Variants in CFAP46 observed in about 807,000 individuals in gnomAD.
The protein encoded by CFAP46 is cilia and flagella associated protein 46.
A neutral mutation model predicts 325.7 loss-of-function variants in CFAP46; 245 were observed. The observed-to-expected ratio is 0.75, with a 90% confidence interval of 0.68 to 0.84. CFAP46 has a LOEUF of 0.84. Ranked by LOEUF, CFAP46 falls within the 40% of genes least tolerant of loss-of-function variation. The pLI, the probability that CFAP46 is intolerant of heterozygous loss-of-function variation, is 0.00. For synonymous variants in CFAP46, 1,523 were observed against 1,495.9 expected, an observed-to-expected ratio of 1.02 and a Z score of -0.42; for missense variants, 3,346 against 3,543.0, an observed-to-expected ratio of 0.94 and a Z score of 1.41.
intron 13 of CFAP46, among the ~76,000 whole-genome samples, 156 bp downstream of exon 13, chr10:132,921,948 C>T (rs748314761): frequency 1.2e-4 from 18 of 152,206 alleles, no homozygotes; most frequent in Admixed American, 2.0e-4. Flanking sequence ...TTGCCAGACC[C>T]GGCGGGCCGA....
chr10:132,920,897 A>G (rs1192428828), intron 13 of CFAP46, among the ~76,000 whole-genome samples: 2 of 152,214 alleles, frequency 1.3e-5, no homozygotes, highest in African/African-American at 4.8e-5. Flanking sequence ...GCACACGCCC[A>G]TGAGTGAAAG....
Position 132,919,494 on chromosome 10 carries a change from C to A in CFAP46, c.1731-52G>T. The A allele has an allele frequency of 6.6e-7, 1 of 1,510,696 alleles. No homozygotes were observed. The highest frequency in any genetic ancestry group is 8.9e-7 in the Non-Finnish European group (1 of 1,127,056). The allele number at this position is 1,510,696 out of a possible 1,614,324, so 93.6% of individuals were successfully genotyped here. ...AAAGGTGAGTAGACAAGTGTGGTTG[C>A]TGAAGTTAGAAAACACCTGGGCTGG... On this transcript the variant is annotated intron_variant, in intron 14 of 57. Coordinates refer to ENST00000368586, the MANE Select transcript of CFAP46 (RefSeq NM_001200049.3). This position sits in a 1 kb window ranked among gnomAD's most constrained non-coding sequence, Gnocchi z 9.7.
chr10:132,915,459 T>C (rs1050005205), intron 17 of CFAP46, among the ~76,000 whole-genome samples: 44 of 152,250 alleles, frequency 2.9e-4, no homozygotes, highest in Admixed American at 3.3e-4. Flanking sequence ...TGACCACCTC[T>C]TCCCTCCAAA....
At position 132,919,949 on chromosome 10, in the gene CFAP46, C is replaced by T; in HGVS notation, c.1730+110G>A. On this transcript the variant is annotated intron_variant, in intron 14 of 57. Transcript: ENST00000368586. This position sits in a 1 kb window ranked among gnomAD's most constrained non-coding sequence, Gnocchi z 9.7. ...TCCTGGAGCAGGTGGCCTGGCGAGT[C>T]CCCAGACGGCCACATGCAGGGTCAG... The T allele has an allele frequency of 7.3e-7, 1 of 1,361,306 alleles. No individual in the cohort carries two copies. Among genetic ancestry groups the T allele is most frequent in the South Asian group, 1.6e-5 (1 of 62,052 alleles). The allele number at this position is 1,361,306 out of a possible 1,614,324, so 84.3% of individuals were successfully genotyped here.
intron 50 of CFAP46, among the ~76,000 whole-genome samples, chr10:132,829,062 G>T (rs1848106868): frequency 7.4e-6 from 1 of 136,028 alleles, no homozygotes. Context: ...ATAACTTTTA[G>T]AATAAGCTTG....
At position 132,808,879 on chromosome 10, in the gene CFAP46, G is replaced by A. The variant is rs1408231710; in HGVS notation, c.7690C>T (p.Gln2564Ter). 2 of 1,594,634 alleles carry A rather than the reference G, an allele frequency of 1.3e-6. No individual in the cohort carries two copies. Among genetic ancestry groups the A allele is most frequent in the African/African-American group, 1.3e-5 (1 of 74,690 alleles). The change falls in exon 58 of 58, where the codon CAA (glutamine) becomes TAA (stop). Residue 2564 changes from glutamine (Q) to a stop codon, truncating the protein, a stop_gained. Transcript: ENST00000368586. LOFTEE classifies it low-confidence loss of function (END_TRUNC). The surrounding 1 kb of genome is among the most constrained non-coding windows in gnomAD (Gnocchi z 6.8). ...CGGAGCTTTGGAGCAGCAGCAGCTT[G>A]TCCTTCAAGGTCTGAGAAGCCTCGT... ...PRRGFSDLEG[Q>*]AAAAPKLRAP...
rs774469567 is a variant in CFAP46, at chr10:132,934,810, C to T, written c.808G>A (p.Ala270Thr). Reference protein sequence around the residue: ...PGDISVILRKAYRHLGHYNHQ... With the variant: ...PGDISVILRKTYRHLGHYNHQ... ...TTGTAATGACCTAAGTGTCTGTAGG[C>T]CTTCCTCAGAATGACACTGATGTCA... Residue 270 changes from alanine (A) to threonine (T), a missense_variant, in exon 8 of 58, where the codon GCC becomes ACC. Ala to Thr is a moderately conservative substitution (Grantham distance 58, BLOSUM62 0). Transcript: ENST00000368586. 9 of 1,613,282 alleles carry T rather than the reference C, an allele frequency of 5.6e-6. No individual in the cohort carries two copies. In the South Asian group the frequency reaches 8.8e-5, roughly 16 times the overall value.
intron 29 of CFAP46, among the ~76,000 whole-genome samples, chr10:132,878,480 C>T (rs1848990213): frequency 6.6e-6 from 1 of 152,180 alleles, no homozygotes; most frequent in African/African-American, 2.4e-5. Flanking sequence ...CCTTGGCAGG[C>T]CCTGCGGGCC....
At chr10:132,842,089 G>A (rs543899883) in intron 44 of CFAP46, among the ~76,000 whole-genome samples, 9 of 152,256 alleles carry the variant, frequency 5.9e-5, no homozygotes, top group East Asian at 3.9e-4. Flanking sequence ...AGATCCTTCC[G>A]CTCACTTTTC....
intron 7 of CFAP46, among the ~76,000 whole-genome samples, chr10:132,935,310 G>A (rs927444957): frequency 2.0e-4 from 26 of 129,512 alleles, no homozygotes; most frequent in Non-Finnish European, 6.7e-5. Flanking sequence ...AACACACTGC[G>A]ATCTTCTCAT....
intron 57 of CFAP46, among the ~76,000 whole-genome samples, chr10:132,809,738 G>A (rs1847540506): frequency 6.6e-6 from 1 of 152,138 alleles, no homozygotes; most frequent in African/African-American, 2.4e-5. Flanking sequence ...TGGCAGGAGG[G>A]TTTTGCTGAC....
In CFAP46 at chr10:132,847,906, T is replaced by C. The variant is rs1424324526; in HGVS notation, c.5953-585A>G. 1.3e-5 allele frequency among the ~76,000 whole-genome samples: 2 copies of C among 152,168 alleles called. No individual in the cohort carries two copies. The highest frequency in any genetic ancestry group is 4.8e-5 in the African/African-American group (2 of 41,444). ...ACTGATAGAAATGGAGAAGGAGTGA[T>C]GGACATGTCCCCGTTCTAGTAGGCT... On this transcript the variant is annotated intron_variant, in intron 41 of 57. Coordinates refer to ENST00000368586, the MANE Select transcript of CFAP46 (RefSeq NM_001200049.3). This position sits in a 1 kb window ranked among gnomAD's most constrained non-coding sequence, Gnocchi z 5.2.
At position 132,929,966 on chromosome 10, in the gene CFAP46, C is replaced by T. The variant is rs1465882570; in HGVS notation, c.867-162G>A. On this transcript the variant is annotated intron_variant, in intron 8 of 57. Transcript: ENST00000368586. ...TTAGAACAGAAGCCCTGTGGGGAGG[C>T]CCCAGCAGGGCTTCAAGCTACAGCA... is the stretch of plus-strand genomic sequence containing the variant. Among the ~76,000 whole-genome samples, 3 of 152,116 alleles carry T rather than the reference C, an allele frequency of 2.0e-5. No homozygotes were observed. In the East Asian group the frequency reaches 5.8e-4, roughly 30 times the overall value.
intron 27 of CFAP46, among the ~76,000 whole-genome samples, chr10:132,881,694 C>CCG (rs1348424043): frequency 2.4e-4 from 18 of 74,722 alleles, no homozygotes; most frequent in African/African-American, 4.8e-4. Context: ...TTAGCCTGCA[C>CCG]CACACCCTCC....
intron 8 of CFAP46, among the ~76,000 whole-genome samples, chr10:132,932,015 G>C (rs1191469585): frequency 7.2e-6 from 1 of 138,216 alleles, no homozygotes; most frequent in Non-Finnish European, 1.5e-5. Flanking sequence ...CCCACACAGA[G>C]GCTGGGCCTC....
intron 50 of CFAP46, among the ~76,000 whole-genome samples, chr10:132,824,060 C>CAG (rs1847969358): frequency 9.5e-6 from 1 of 105,174 alleles, no homozygotes; most frequent in African/African-American, 4.0e-5. Context: ...GCTGTGTGTG[C>CAG]TGATGTGTGC....
Position 132,869,067 on chromosome 10 carries a change from C to T in CFAP46, c.4610+207G>A, listed in dbSNP as rs2135295025. Reference sequence around the variant, plus strand: ...CACCCTGGAGAGCCCCCCTCACCGCCCCTCCCTCCCTCTGTGAGGAGCACC... The same window carrying T: ...CACCCTGGAGAGCCCCCCTCACCGCTCCTCCCTCCCTCTGTGAGGAGCACC... On this transcript the variant is annotated intron_variant, in intron 33 of 57. Transcript: ENST00000368586. The surrounding 1 kb of genome is among the most constrained non-coding windows in gnomAD (Gnocchi z 6.2). Among the ~76,000 whole-genome samples, 1 of 152,348 alleles carries T rather than the reference C, an allele frequency of 6.6e-6. No individual in the cohort carries two copies. The highest frequency in any genetic ancestry group is 1.9e-4 in the East Asian group (1 of 5,180).
In CFAP46 at chr10:132,824,806, C is replaced by T. The variant is rs531911963; in HGVS notation, c.7117+8552G>A. ...TGAGTGCTGATGTGTGCTGTCTGTG[C>T]GCTGATGTGTGCTGTCTGTGCGCTG... On this transcript the variant is annotated intron_variant, in intron 50 of 57. Coordinates refer to ENST00000368586, the MANE Select transcript of CFAP46 (RefSeq NM_001200049.3). Among the ~76,000 whole-genome samples, 27 of 112,872 alleles carry T rather than the reference C, an allele frequency of 2.4e-4. 1 individual carries two copies. In the South Asian group the frequency reaches 4.5e-3, roughly 19 times the overall value. The allele number at this position is 112,872 out of a possible 152,430, so 74.0% of individuals were successfully genotyped here.
rs1028093510 is a variant in CFAP46, at chr10:132,903,548, G to A, written c.2925-3882C>T. On this transcript the variant is annotated intron_variant, in intron 22 of 57. Coordinates refer to ENST00000368586, the MANE Select transcript of CFAP46 (RefSeq NM_001200049.3). Reference sequence around the variant, plus strand: ...GAAGCTCCCTTAGGCAGAATGCGGAGCCCACTTCCGATATTTCCTTCTAGC... The same window carrying A: ...GAAGCTCCCTTAGGCAGAATGCGGAACCCACTTCCGATATTTCCTTCTAGC... Among the ~76,000 whole-genome samples the A allele has an allele frequency of 5.3e-5, 8 of 152,236 alleles. No homozygotes were observed. In the South Asian group the frequency reaches 1.4e-3, roughly 28 times the overall value.
Sources: allele counts gnomAD v4.1 joint callset (sites outside exome capture counted in the v4.1 genomes callset), GRCh38; gene constraint gnomAD v4.1.1; non-coding constraint Gnocchi (gnomAD v3.1); transcripts MANE v1.5; gene names NCBI Gene and HGNC (gene_info 2026-07-23, HGNC 2026-07-21).